PUS7: variants seen among roughly 807,000 people sequenced by gnomAD.
PUS7 encodes pseudouridine synthase 7.
In PUS7, 48 loss-of-function variants were observed where a neutral mutation model predicts 79.8. The ratio of observed to expected loss-of-function variants is 0.60; its 90% CI spans 0.48 to 0.76. PUS7 has a LOEUF of 0.76. Among genes scored for constraint, PUS7 ranks in the 30% least tolerant of loss-of-function variants. The pLI is 0.00. For synonymous variants in PUS7, 286 were observed against 272.2 expected (o/e 1.05, Z -0.50); for missense variants, 729 against 797.6 (o/e 0.91, Z 1.04).
At chr7:105,463,883 TACTA>T (rs1224853388) in intron 13 of PUS7, among the ~76,000 whole-genome samples, 8 of 152,232 alleles carry the variant, frequency 5.3e-5, no homozygotes, top group Admixed American at 1.3e-4. Context: ...ATATAATTAA[TACTA>T]ACTATTTTGC....
At chr7:105,500,167 T>C (rs779448573) in intron 5 of PUS7, among the ~76,000 whole-genome samples, 1 of 152,196 alleles carries the variant, frequency 6.6e-6, no homozygotes, top group Non-Finnish European at 1.5e-5. Context: ...CCAATCTGAC[T>C]TCCTTCTTGC....
At chr7:105,485,968 C>A (rs899283584) in intron 7 of PUS7, among the ~76,000 whole-genome samples, 1 of 152,078 alleles carries the variant, frequency 6.6e-6, no homozygotes, top group Non-Finnish European at 1.5e-5. Context: ...CCACCCTGGC[C>A]TCCGAAAGTG....
At chr7:105,478,451 C>T (rs1824193005) in intron 9 of PUS7, among the ~76,000 whole-genome samples, 1 of 152,178 alleles carries the variant, frequency 6.6e-6, no homozygotes, top group South Asian at 2.1e-4. Context: ...ATAAGGGTTC[C>T]AATTTCTCTA....
chr7:105,508,411 C>A lies in PUS7; in HGVS notation c.102G>T (p.Lys34Asn). ...GVPVEETKKQ[K>N]LSECSLTKGQ... ...CTTTGGTTAGACTGCATTCCGACAG[C>A]TTCTGTTTTTTTGTCTCTTCAACTG... The change falls in exon 2 of 16, where the codon AAG (lysine) becomes AAT (asparagine). Residue 34 changes from lysine (K) to asparagine (N), a missense_variant. Physicochemically the swap from Lys to Asn is moderately conservative, Grantham distance 94 (BLOSUM62 0). Transcript: ENST00000469408. 6.2e-7 allele frequency: 1 copy of A among 1,614,146 alleles called. No individual in the cohort carries two copies. Among genetic ancestry groups the A allele is most frequent in the Non-Finnish European group, 8.5e-7 (1 of 1,180,026 alleles).
At chr7:105,461,338 G>C (rs1190404222) in intron 14 of PUS7, among the ~76,000 whole-genome samples, 2 of 152,152 alleles carry the variant, frequency 1.3e-5, no homozygotes, top group Non-Finnish European at 2.9e-5. Context: ...CCAATAAAAT[G>C]TAAATGAACT....
At chr7:105,510,479 A>G (rs1378219376) in intron 1 of PUS7, among the ~76,000 whole-genome samples, 1 of 152,124 alleles carries the variant, frequency 6.6e-6, no homozygotes, top group African/African-American at 2.4e-5. Context: ...GAATACACTT[A>G]ACTCTACTGA....
Position 105,508,405 on chromosome 7 carries a change from C to T in PUS7, c.108G>A (p.Ser36=), listed in dbSNP as rs377455220. Residue 36 remains serine (S), a synonymous_variant, in exon 2 of 16, where the codon TCG becomes TCA. Coordinates refer to ENST00000469408, the MANE Select transcript of PUS7 (RefSeq NM_019042.5). ...PVEETKKQKL[S]ECSLTKGQDG... is the part of the protein sequence containing the mutation. ...CTTGACCTTTGGTTAGACTGCATTCCGACAGCTTCTGTTTTTTTGTCTCTT... is the reference window on the plus strand; with the variant it reads ...CTTGACCTTTGGTTAGACTGCATTCTGACAGCTTCTGTTTTTTTGTCTCTT... The T allele has an allele frequency of 3.5e-5, 56 of 1,613,922 alleles. No homozygotes were observed. Among genetic ancestry groups the T allele is most frequent in the Non-Finnish European group, 4.5e-5 (53 of 1,180,024 alleles).
chr7:105,476,001 C>T (rs73415577), intron 9 of PUS7, among the ~76,000 whole-genome samples: 22,720 of 151,684 alleles, frequency 0.15, 2,852 homozygotes, highest in African/African-American at 0.35. Flanking sequence ...TGCTTACCCA[C>T]GTGATAGCAC....
chr7:105,471,991 T>A, intron 10 of PUS7, 141 bp downstream of exon 10: 1 of 559,804 alleles, frequency 1.8e-6, no homozygotes, highest in Non-Finnish European at 3.2e-6. Flanking sequence ...AAAATATAAA[T>A]AAACTTATAC....
chr7:105,503,146 T>C (rs1162277839), intron 4 of PUS7, among the ~76,000 whole-genome samples: 5 of 152,134 alleles, frequency 3.3e-5, no homozygotes, highest in Non-Finnish European at 5.9e-5. Context: ...ATTATATCTA[T>C]TTAGAAGTGA....
At chr7:105,499,803 C>G (rs1364246014) in intron 5 of PUS7, among the ~76,000 whole-genome samples, 1 of 151,730 alleles carries the variant, frequency 6.6e-6, no homozygotes, top group Non-Finnish European at 1.5e-5. Context: ...AGTAATACAG[C>G]TAAAAAAAAA....
Position 105,508,369 on chromosome 7 carries a change from C to T in PUS7, c.144G>A (p.Gln48=). ...CSLTKGQDGL[Q]NDFLSISEDV... ...CTTCACTGATGGACAGAAAGTCATT[C>T]TGTAGCCCATCTTGACCTTTGGTTA... Residue 48 remains glutamine, a synonymous_variant, in exon 2 of 16, where the codon CAG becomes CAA. Transcript: ENST00000469408. 6.2e-7 allele frequency: 1 copy of T among 1,614,156 alleles called. No individual in the cohort carries two copies. The highest frequency in any genetic ancestry group is 8.5e-7 in the Non-Finnish European group (1 of 1,180,040).
Position 105,465,388 on chromosome 7 carries a change from C to A in PUS7, c.1552G>T (p.Asp518Tyr). The A allele has an allele frequency of 6.2e-7, 1 of 1,613,028 alleles. No individual in the cohort carries two copies. The highest frequency in any genetic ancestry group is 8.5e-7 in the Non-Finnish European group (1 of 1,179,194). The stretch of plus-strand genomic sequence containing the variant: ...TCATGGATAGAGTAATTATTAACAT[C>A]ATCTTCCTCAATATAGGTGGCTGTG... ...GATATYIEED[D>Y]VNNYSIHDVV... is the part of the protein sequence containing the mutation. The change falls in exon 13 of 16, where the codon GAT becomes TAT. Residue 518 changes from aspartate (D) to tyrosine (Y), a missense_variant. Coordinates refer to ENST00000469408, the MANE Select transcript of PUS7 (RefSeq NM_019042.5).
intron 6 of PUS7, among the ~76,000 whole-genome samples, chr7:105,493,455 ACT>A (rs1268398012): frequency 4.0e-5 from 6 of 151,876 alleles, no homozygotes; most frequent in Admixed American, 2.6e-4. Context: ...AGTAGCACAG[ACT>A]CTCTCCCAGG....
intron 14 of PUS7, among the ~76,000 whole-genome samples, chr7:105,461,648 T>C (rs1333122858): frequency 6.6e-6 from 1 of 152,232 alleles, no homozygotes; most frequent in East Asian, 1.9e-4. Flanking sequence ...ACTGAAAAAG[T>C]ACAGTCATGC....
chr7:105,510,690 T>C (rs894510522), intron 1 of PUS7, among the ~76,000 whole-genome samples: 20 of 152,122 alleles, frequency 1.3e-4, no homozygotes, highest in Non-Finnish European at 2.5e-4. Context: ...ATTTTTGTAA[T>C]TTTTGGTAGA....
chr7:105,510,028 C>T (rs560109846), intron 1 of PUS7, among the ~76,000 whole-genome samples: 3 of 152,206 alleles, frequency 2.0e-5, no homozygotes, highest in East Asian at 3.9e-4. Flanking sequence ...TGGCCGGGAT[C>T]GGTGGCTCAC....
chr7:105,498,772 T>A (rs1459447650), intron 5 of PUS7, among the ~76,000 whole-genome samples: 14 of 152,186 alleles, frequency 9.2e-5, no homozygotes, highest in Admixed American at 9.2e-4. Context: ...CTCTCCATTG[T>A]CTCTTTCCTT....
At chr7:105,496,257 A>G (rs201071300) in intron 5 of PUS7, among the ~76,000 whole-genome samples, 86 of 4,586 alleles carry the variant, frequency 0.019, no homozygotes, top group African/African-American at 0.041. Flanking sequence ...AGAGAGAGGG[A>G]GAGACACATA....
Sources: gnomAD v4.1 joint callset for allele counts (sites outside exome capture counted in the v4.1 genomes callset) on GRCh38, gnomAD v4.1.1 for gene constraint, MANE v1.5 for transcripts, NCBI Gene and HGNC (gene_info 2026-07-23, HGNC 2026-07-21) for gene names.